FIBCD1: variants seen among roughly 807,000 people sequenced by gnomAD.
FIBCD1 encodes fibrinogen C domain-containing protein 1.
A neutral mutation model predicts 45.1 loss-of-function variants in FIBCD1; 47 were observed. The observed-to-expected ratio is 1.04, with a 90% CI of 0.82 to 1.33. The LOEUF (loss-of-function observed/expected upper bound fraction) is 1.33. Ranked by LOEUF, FIBCD1 falls within the 40% of genes most tolerant of loss-of-function variation. The pLI, the probability that FIBCD1 is intolerant of heterozygous loss-of-function variation, is 0.00. For missense variants in FIBCD1, 653 were observed against 682.2 expected, an observed-to-expected ratio of 0.96 and a Z score of 0.48; for synonymous variants, 313 against 308.1, an observed-to-expected ratio of 1.02 and a Z score of -0.17.
intron 4 of FIBCD1, among the ~76,000 whole-genome samples, chr9:130,916,477 C>T (rs909343000): frequency 6.6e-6 from 1 of 152,234 alleles, no homozygotes; most frequent in South Asian, 2.1e-4. Context: ...CCAATGACAG[C>T]CCAACGTGGC....
chr9:130,911,268 G>C (rs541302297), intron 5 of FIBCD1, among the ~76,000 whole-genome samples: 1 of 152,084 alleles, frequency 6.6e-6, no homozygotes, highest in Non-Finnish European at 1.5e-5. Flanking sequence ...CTCCAGGCGC[G>C]CTACCTTAAG....
rs151212444 is a variant in FIBCD1, at chr9:130,938,669, G to A, written c.-62C>T. On this transcript the variant is annotated 5_prime_UTR_variant, in exon 1 of 7. Transcript: ENST00000372338. ...CGCCGCTGCGGAGCGCAAAGGAGAC[G>A]GGGTGGGCGCGGGCGCGGGCGCGGG... is the stretch of plus-strand genomic sequence containing the variant. The A allele has an allele frequency of 4.2e-3, 4,885 of 1,165,168 alleles. 33 individuals carry two copies. The highest frequency in any genetic ancestry group is 0.024 in the Middle Eastern group (81 of 3,414). The allele number at this position is 1,165,168 out of a possible 1,614,324, so 72.2% of individuals were successfully genotyped here.
chr9:130,922,889 C>CA lies in FIBCD1; in HGVS notation c.849+854dup, dbSNP rs1832286134. 2.6e-5 allele frequency among the ~76,000 whole-genome samples: 4 copies of CA among 152,288 alleles called. No homozygotes were observed. In the South Asian group the frequency reaches 8.3e-4, roughly 32 times the overall value. The stretch of plus-strand genomic sequence containing the variant: ...ATACCTTCTCCTTCCTGCCCGCACT[C>CA]AGAAATCCTCCCTGCTTTAATGGCT... On this transcript the variant is annotated intron_variant, in intron 4 of 6. Coordinates refer to ENST00000372338, the MANE Select transcript of FIBCD1 (RefSeq NM_032843.5). The surrounding 1 kb of genome is among the most constrained non-coding windows in gnomAD (Gnocchi z 4.5).
intron 5 of FIBCD1, among the ~76,000 whole-genome samples, chr9:130,911,582 C>A (rs765572166): frequency 6.6e-6 from 1 of 152,220 alleles, no homozygotes; most frequent in Non-Finnish European, 1.5e-5. Flanking sequence ...ACTGGGAGCC[C>A]ACCCACGCTG....
At chr9:130,932,130 C>T (rs1832453840) in intron 1 of FIBCD1, among the ~76,000 whole-genome samples, 1 of 152,222 alleles carries the variant, frequency 6.6e-6, no homozygotes, top group African/African-American at 2.4e-5. Flanking sequence ...TGACAGCTTG[C>T]TTGCTTTCTT....
chr9:130,914,581 C>A (rs1021746015), intron 4 of FIBCD1, among the ~76,000 whole-genome samples: 1 of 152,238 alleles, frequency 6.6e-6, no homozygotes, highest in Admixed American at 6.5e-5. Flanking sequence ...CGTGCCCAAC[C>A]AGGGGCAGGT....
chr9:130,929,809 T>G lies in FIBCD1; in HGVS notation c.310A>C (p.Ser104Arg). The G allele has an allele frequency of 6.4e-7, 1 of 1,551,296 alleles. No individual in the cohort carries two copies. Residue 104 changes from serine (S) to arginine (R), a missense_variant, in exon 2 of 7, where the codon AGC (serine) becomes CGC (arginine). Coordinates refer to ENST00000372338, the MANE Select transcript of FIBCD1 (RefSeq NM_032843.5). ...IDPRCPDLTD[S>R]FARLESAQAS... ...TGGGCGCTCTCCAGGCGTGCGAAGCTGTCGGTGAGGTCGGGGCAGCGCGGG... is the reference window on the plus strand; with the variant it reads ...TGGGCGCTCTCCAGGCGTGCGAAGCGGTCGGTGAGGTCGGGGCAGCGCGGG...
chr9:130,904,275 C>T lies in FIBCD1; in HGVS notation c.1175G>A (p.Arg392His), dbSNP rs897004086. ...GTTGTTCTCTGAATGGTCGCTGTCA[C>T]GGTCCTTGGTGGTGAACCTCATGCC... ...HSGMRFTTKD[R>H]DSDHSENNCA... The change falls in exon 7 of 7, where the codon CGT becomes CAT. Residue 392 changes from arginine (R) to histidine (H), a missense_variant. By Grantham distance (29) the Arg-to-His change is conservative. Transcript: ENST00000372338. The T allele has an allele frequency of 1.2e-5, 19 of 1,613,322 alleles. No individual in the cohort carries two copies. The East Asian group carries it at 1.6e-4, about 13-fold the overall frequency.
chr9:130,918,978 A>G (rs1214750034), intron 4 of FIBCD1, among the ~76,000 whole-genome samples: 1 of 152,220 alleles, frequency 6.6e-6, no homozygotes, highest in Non-Finnish European at 1.5e-5. Context: ...TGCTGAGCCC[A>G]GAAGGAAATC....
At chr9:130,911,641 C>T (rs912032057) in intron 5 of FIBCD1, 151 bp downstream of exon 5, 1 of 658,542 alleles carries the variant, frequency 1.5e-6, no homozygotes, top group East Asian at 2.7e-5. Context: ...ATGCCTGTCA[C>T]CTTCATGCAT....
At chr9:130,916,465 A>G (rs1009602012) in intron 4 of FIBCD1, among the ~76,000 whole-genome samples, 3 of 152,176 alleles carry the variant, frequency 2.0e-5, no homozygotes, top group African/African-American at 7.2e-5. Flanking sequence ...CCCGACCTCG[A>G]GCCAATGACA....
At position 130,926,465 on chromosome 9, in the gene FIBCD1, CTG is replaced by C. The variant is rs1832361692; in HGVS notation, c.553-2071_553-2070del. On this transcript the variant is annotated intron_variant, in intron 2 of 6. Coordinates refer to ENST00000372338, the MANE Select transcript of FIBCD1 (RefSeq NM_032843.5). This position sits in a 1 kb window ranked among gnomAD's most constrained non-coding sequence, Gnocchi z 4.1. ...AGCTGCTGTCCCCGGCACTGCTTAG[CTG>C]TGTGAGTGAGCTTGCACACGCACCT... Among the ~76,000 whole-genome samples the C allele has an allele frequency of 6.6e-6, 1 of 152,222 alleles. No homozygotes were observed. Among genetic ancestry groups the C allele is most frequent in the Admixed American group, 6.5e-5 (1 of 15,284 alleles).
chr9:130,920,523 TAG>T (rs1832244211), intron 4 of FIBCD1, among the ~76,000 whole-genome samples: 1 of 152,092 alleles, frequency 6.6e-6, no homozygotes, highest in African/African-American at 2.4e-5. Context: ...GGCAAGCATT[TAG>T]AGAGTGCCGA....
At chr9:130,929,286 T>C in intron 2 of FIBCD1, among the ~76,000 whole-genome samples, 1 of 152,114 alleles carries the variant, frequency 6.6e-6, no homozygotes, top group East Asian at 1.9e-4. Flanking sequence ...AAGCCCTGGA[T>C]TTACTGAGTG....
chr9:130,924,764 G>A (rs766303700), intron 2 of FIBCD1, among the ~76,000 whole-genome samples: 1 of 152,230 alleles, frequency 6.6e-6, no homozygotes, highest in African/African-American at 2.4e-5. Context: ...AGTGCCCCGT[G>A]TTGGGCAAAT....
Position 130,931,065 on chromosome 9 carries a change from C to G in FIBCD1, c.73-1019G>C, listed in dbSNP as rs1259806056. ...ACCCCATCCTCTCTCCTTCCTCTAT[C>G]TCTTCACAGAGCAGGCCCCTGGCAG... On this transcript the variant is annotated intron_variant, in intron 1 of 6. Transcript: ENST00000372338. Among the ~76,000 whole-genome samples the G allele has an allele frequency of 3.9e-5, 6 of 152,140 alleles. No homozygotes were observed. In the South Asian group the frequency reaches 6.2e-4, roughly 16 times the overall value.
At chr9:130,917,059 C>T (rs1832174386) in intron 4 of FIBCD1, among the ~76,000 whole-genome samples, 1 of 152,234 alleles carries the variant, frequency 6.6e-6, no homozygotes, top group African/African-American at 2.4e-5. Flanking sequence ...GATCACACCA[C>T]TGCACTCCAG....
upstream of FIBCD1, among the ~76,000 whole-genome samples, chr9:130,939,711 G>T (rs1421961000): frequency 1.3e-5 from 2 of 151,880 alleles, no homozygotes; most frequent in Non-Finnish European, 2.9e-5. Flanking sequence ...CCCAGCCCCC[G>T]CCTTCTCCTC....
chr9:130,908,912 C>T (rs1588103277), intron 5 of FIBCD1, among the ~76,000 whole-genome samples: 4 of 152,170 alleles, frequency 2.6e-5, no homozygotes. Context: ...CACAGAGGGG[C>T]GGCCCCGCCT....
Sources: allele counts gnomAD v4.1 joint callset (sites outside exome capture counted in the v4.1 genomes callset), GRCh38; gene constraint gnomAD v4.1.1; non-coding constraint Gnocchi (gnomAD v3.1); transcripts MANE v1.5; gene names NCBI Gene and HGNC (gene_info 2026-07-23, HGNC 2026-07-21).